SH2B1: variants seen among roughly 807,000 people sequenced by gnomAD.
SH2B1 encodes the protein SH2B adaptor protein 1.
Under a neutral mutation model 62.6 loss-of-function variants are expected in SH2B1, and 15 were observed. The ratio of observed to expected loss-of-function variants is 0.24; its 90% CI spans 0.16 to 0.37. SH2B1 has a LOEUF of 0.37. SH2B1 is among the 10% of genes least tolerant of loss of function. The pLI, the probability that SH2B1 is intolerant of heterozygous loss-of-function variation, is 1.00. For synonymous variants in SH2B1, 443 were observed against 438.0 expected (o/e 1.01, Z -0.14); for missense variants, 925 against 1,015.6 (o/e 0.91, Z 1.21).
chr16:28,863,485 C>T, upstream of SH2B1: 2 of 580,440 alleles, frequency 3.4e-6, no homozygotes, highest in East Asian at 3.1e-5. Flanking sequence ...GTTCACACAG[C>T]CTCATCATCT....
At chr16:28,871,216 C>T (rs1003631722) in intron 4 of SH2B1, among the ~76,000 whole-genome samples, 1 of 152,172 alleles carries the variant, frequency 6.6e-6, no homozygotes, top group Non-Finnish European at 1.5e-5. Context: ...TGGTGTTTCA[C>T]CATGTTGCCC....
At chr16:28,850,190 C>A (rs916781629) in intron 1 of SH2B1, among the ~76,000 whole-genome samples, 1 of 152,100 alleles carries the variant, frequency 6.6e-6, no homozygotes, top group East Asian at 1.9e-4. Flanking sequence ...AATTGTGGGG[C>A]AAACTGGAGA....
chr16:28,873,191 A>G lies in SH2B1; in HGVS notation c.1898-256A>G. On this transcript the variant is annotated intron_variant, in intron 7 of 7. Coordinates refer to ENST00000684370, the MANE Select transcript of SH2B1 (RefSeq NM_001387430.1). The surrounding 1 kb of genome is among the most constrained non-coding windows in gnomAD (Gnocchi z 4.2). Reference sequence around the variant, plus strand: ...CCAGGCCGGGAGCAGGCTGGGAGCCATGCGGGGGTGTGCGAGGGAGATGGA... The same window carrying G: ...CCAGGCCGGGAGCAGGCTGGGAGCCGTGCGGGGGTGTGCGAGGGAGATGGA... 2 of 1,591,088 alleles carry G rather than the reference A, an allele frequency of 1.3e-6. No homozygotes were observed. The highest frequency in any genetic ancestry group is 1.3e-5 in the African/African-American group (1 of 74,768).
At chr16:28,863,729 C>A (rs1303883995), upstream of SH2B1, 3 of 1,535,698 alleles carry the variant, frequency 2.0e-6, no homozygotes, top group African/African-American at 1.4e-5. Context: ...CTCCTGGGGT[C>A]GGCGCCGAGT....
chr16:28,872,911 C>G lies in SH2B1; in HGVS notation c.1897+206C>G, dbSNP rs554516711. 1.4e-6 allele frequency: 1 copy of G among 734,990 alleles called. No individual in the cohort carries two copies. The highest frequency in any genetic ancestry group is 2.2e-6 in the Non-Finnish European group (1 of 447,766). The allele number at this position is 734,990 out of a possible 1,614,324, so 45.5% of individuals were successfully genotyped here. On this transcript the variant is annotated intron_variant, in intron 7 of 7. Coordinates refer to ENST00000684370, the MANE Select transcript of SH2B1 (RefSeq NM_001387430.1). The surrounding 1 kb of genome is among the most constrained non-coding windows in gnomAD (Gnocchi z 5.3). ...CACAGGAAGGCAGAAGGCTCCTGGC[C>G]GGAGCCGGGGCGGCAGCTGAGAGGT...
In SH2B1 at chr16:28,872,458, G is replaced by T; in HGVS notation, c.1725+57G>T. ...GTGCATAGTTGGCAGTGGGGTGGGG[G>T]AGCACTGCCGGGGGAGGGGGTTTGT... On this transcript the variant is annotated intron_variant, in intron 6 of 7. Coordinates refer to ENST00000684370, the MANE Select transcript of SH2B1 (RefSeq NM_001387430.1). This position sits in a 1 kb window ranked among gnomAD's most constrained non-coding sequence, Gnocchi z 5.3. 3.8e-6 allele frequency: 6 copies of T among 1,570,044 alleles called. No individual in the cohort carries two copies. The highest frequency in any genetic ancestry group is 3.5e-6 in the Non-Finnish European group (4 of 1,153,408).
At chr16:28,860,444 T>C (rs780697096), upstream of SH2B1, among the ~76,000 whole-genome samples, 12 of 151,982 alleles carry the variant, frequency 7.9e-5, no homozygotes, top group Non-Finnish European at 1.2e-4. Context: ...GGTTTTGCCA[T>C]GTTGGCCAGG....
chr16:28,852,355 TATATATATTTATATATATTTAC>T (rs1962137647), intron 1 of SH2B1, among the ~76,000 whole-genome samples: 1 of 18,352 alleles, frequency 5.4e-5, no homozygotes, highest in African/African-American at 2.7e-4. Flanking sequence ...TATATATTTA[TATATATATTTATATATATTTAC>T]ATATATTTAT....
At chr16:28,860,503 A>G (rs1962419669), upstream of SH2B1, among the ~76,000 whole-genome samples, 1 of 151,926 alleles carries the variant, frequency 6.6e-6, no homozygotes, top group South Asian at 2.1e-4. Context: ...TTGGCCTCCC[A>G]AAGTGCTGGA....
In SH2B1 at chr16:28,869,467, C is replaced by T. The variant is rs116322972; in HGVS notation, c.1309+84C>T. On this transcript the variant is annotated intron_variant, in intron 4 of 7. Transcript: ENST00000684370. ...TGTCAGGCGCCATGCCCTCTCCAGA[C>T]GCCACTGTGCCCCCATCCCTGTTTT... The T allele has an allele frequency of 4.2e-4, 526 of 1,250,064 alleles. 10 individuals carry two copies. The highest frequency in any genetic ancestry group is 4.2e-3 in the South Asian group (293 of 70,030). 77.4% of individuals were successfully genotyped at this position (1,250,064 alleles called of 1,614,324 possible).
chr16:28,867,519 G>GA, intron 2 of SH2B1, 87 bp downstream of exon 2: 1 of 968,548 alleles, frequency 1.0e-6, no homozygotes, highest in African/African-American at 1.6e-5. Flanking sequence ...TCGCCGAAAG[G>GA]AGGTATATAT....
rs1010534906 is a variant in SH2B1, at chr16:28,869,450, G to A, written c.1309+67G>A. 14 of 1,443,042 alleles carry A rather than the reference G, an allele frequency of 9.7e-6. 1 individual carries two copies. The highest frequency in any genetic ancestry group is 5.0e-5 in the South Asian group (4 of 79,442). 89.4% of individuals were successfully genotyped at this position (1,443,042 alleles called of 1,614,324 possible). A position where few individuals can be genotyped will look rare whatever the true frequency, so the allele number is the denominator to read the frequency against. On this transcript the variant is annotated intron_variant, in intron 4 of 7. Transcript: ENST00000684370. Reference sequence around the variant, plus strand: ...CCATGCGGGGCCCCTGCTGTCAGGCGCCATGCCCTCTCCAGACGCCACTGT... The same window carrying A: ...CCATGCGGGGCCCCTGCTGTCAGGCACCATGCCCTCTCCAGACGCCACTGT...
In SH2B1 at chr16:28,863,939, G is replaced by C; in HGVS notation, c.-2156G>C. On this transcript the variant is annotated 5_prime_UTR_variant, in exon 1 of 8. Transcript: ENST00000684370. ...CGCCGGAGCTAACCTCGGGGACCGAGATGCAGGTGGGACCGGAACCGGAAC... is the reference window on the plus strand; with the variant it reads ...CGCCGGAGCTAACCTCGGGGACCGACATGCAGGTGGGACCGGAACCGGAAC... 6.8e-7 allele frequency: 1 copy of C among 1,472,982 alleles called. No individual in the cohort carries two copies. The highest frequency in any genetic ancestry group is 8.9e-7 in the Non-Finnish European group (1 of 1,119,264). The allele number at this position is 1,472,982 out of a possible 1,614,324, so 91.2% of individuals were successfully genotyped here. A position where few individuals can be genotyped will look rare whatever the true frequency, so the allele number is the denominator to read the frequency against.
At chr16:28,861,398 G>T (rs1333575299), upstream of SH2B1, among the ~76,000 whole-genome samples, 1 of 149,004 alleles carries the variant, frequency 6.7e-6, no homozygotes, top group Non-Finnish European at 1.5e-5. Flanking sequence ...CCCAGTGTTG[G>T]GATTACAGGC....
chr16:28,864,843 A>G lies in SH2B1; in HGVS notation c.-1252A>G. The G allele has an allele frequency of 4.1e-6, 1 of 246,442 alleles. No individual in the cohort carries two copies. Among genetic ancestry groups the G allele is most frequent in the Non-Finnish European group, 6.5e-6 (1 of 154,386 alleles). The allele number at this position is 246,442 out of a possible 1,614,324, so 15.3% of individuals were successfully genotyped here. On this transcript the variant is annotated 5_prime_UTR_variant, in exon 1 of 8. The change abolishes an upstream ATG in the 5' untranslated region. Transcript: ENST00000684370. ...CTTCTCCCACATGAAGATAGTAACA[A>G]TGGCAGTCGTTCAGCGGATGCTTAC...
At chr16:28,849,149 G>A (rs1430577693) in intron 1 of SH2B1, among the ~76,000 whole-genome samples, 1 of 152,120 alleles carries the variant, frequency 6.6e-6, no homozygotes, top group East Asian at 1.9e-4. Context: ...GGTCTCCTAG[G>A]CTGGAGCATA....
chr16:28,859,314 T>C (rs1450074936), upstream of SH2B1, among the ~76,000 whole-genome samples: 6 of 152,118 alleles, frequency 3.9e-5, no homozygotes, highest in East Asian at 1.2e-3. Flanking sequence ...ACACCTGTCA[T>C]GGGGGTTTGT....
intron 2 of SH2B1, among the ~76,000 whole-genome samples, chr16:28,868,611 C>CA (rs1401728763): frequency 3.3e-5 from 5 of 152,142 alleles, no homozygotes; most frequent in Non-Finnish European, 5.9e-5. Flanking sequence ...AGGCGCCTGC[C>CA]ACCACGCCTG....
At chr16:28,871,696 G>A in intron 4 of SH2B1, 84 bp from the exon 5 acceptor site, 1 of 1,101,204 alleles carries the variant, frequency 9.1e-7, no homozygotes, top group Non-Finnish European at 1.4e-6. Flanking sequence ...ACACAGGGTA[G>A]ACTGCTGGTG....
Sources: allele counts gnomAD v4.1 joint callset (sites outside exome capture counted in the v4.1 genomes callset), GRCh38; gene constraint gnomAD v4.1.1; non-coding constraint Gnocchi (gnomAD v3.1); transcripts MANE v1.5; gene names NCBI Gene and HGNC (gene_info 2026-07-23, HGNC 2026-07-21).